The following CDYL variants were observed in gnomAD, a reference collection of about 807,000 sequenced individuals.
CDYL encodes chromodomain Y like.
Under a neutral mutation model 47.3 loss-of-function variants are expected in CDYL, and 8 were observed. The ratio of observed to expected loss-of-function variants is 0.17; its 90% confidence interval spans 0.10 to 0.31. CDYL has a LOEUF of 0.31. Among genes scored for constraint, CDYL ranks in the 10% least tolerant of loss-of-function variants. CDYL has a pLI of 1.00. For synonymous variants in CDYL, 266 were observed against 265.0 expected (o/e 1.00, Z -0.04); for missense variants, 471 against 701.4 (o/e 0.67, Z 3.71).
chr6:4,950,931 C>CAAAAA (rs11434312), intron 5 of CDYL, among the ~76,000 whole-genome samples: 2 of 124,468 alleles, frequency 1.6e-5, no homozygotes, highest in African/African-American at 3.2e-5. Flanking sequence ...GACTCCGTCT[C>CAAAAA]AAAAAAAAAA....
chr6:4,920,832 T>TCTCAGACTCCTGAC (rs1454756891), intron 2 of CDYL, among the ~76,000 whole-genome samples: 1 of 152,210 alleles, frequency 6.6e-6, no homozygotes, highest in East Asian at 1.9e-4. Flanking sequence ...GCCAGACTGG[T>TCTCAGACTCCTGAC]CTCAGACTCC....
rs116345416 is a variant in CDYL, at chr6:4,822,481, A to G, written c.24+45674A>G. On this transcript the variant is annotated intron_variant, in intron 1 of 6. Coordinates refer to ENST00000397588, the MANE Select transcript of CDYL (RefSeq NM_004824.4). The stretch of plus-strand genomic sequence containing the variant: ...TTTGGAATAACCAGCCTGAGAGTCA[A>G]TTCACATGTGTACACTTGTAAAGTA... 7.7e-3 allele frequency among the ~76,000 whole-genome samples: 1,171 copies of G among 152,296 alleles called. 17 individuals are homozygous for G. Among genetic ancestry groups the G allele is most frequent in the African/African-American group, 0.027 (1,130 of 41,548 alleles).
intron 1 of CDYL, among the ~76,000 whole-genome samples, chr6:4,890,707 C>T (rs1320475310): frequency 6.6e-6 from 1 of 152,244 alleles, no homozygotes; most frequent in Non-Finnish European, 1.5e-5. Flanking sequence ...TGACCTACCT[C>T]TAACTGCCAG....
chr6:4,735,987 TAGAC>T (rs548185692), intron 3 of CDYL, among the ~76,000 whole-genome samples: 21 of 152,270 alleles, frequency 1.4e-4, no homozygotes, highest in African/African-American at 5.1e-4. Flanking sequence ...CTGTTAACTA[TAGAC>T]AGCATGCTCT....
chr6:4,852,438 TCCTTCCTTCCAA>T (rs1465798749), intron 1 of CDYL, among the ~76,000 whole-genome samples: 1 of 136,960 alleles, frequency 7.3e-6, no homozygotes, highest in Non-Finnish European at 1.6e-5. Context: ...CCTCCTTCCT[TCCTTCCTTCCAA>T]TCTTCCTTCC....
intron 1 of CDYL, among the ~76,000 whole-genome samples, chr6:4,844,179 C>G (rs1191916989): frequency 1.3e-5 from 2 of 152,180 alleles, no homozygotes; most frequent in South Asian, 4.1e-4. Context: ...GTGATGTGAA[C>G]CATCTTCAGG....
chr6:4,741,744 G>A (rs1335301355), intron 3 of CDYL, among the ~76,000 whole-genome samples: 2 of 152,196 alleles, frequency 1.3e-5, no homozygotes, highest in Non-Finnish European at 2.9e-5. Flanking sequence ...AATGTGCCTG[G>A]GTGAAAATCA....
intron 1 of CDYL, among the ~76,000 whole-genome samples, chr6:4,891,058 G>A (rs1025805728): frequency 1.3e-5 from 2 of 152,214 alleles, no homozygotes; most frequent in Non-Finnish European, 2.9e-5. Context: ...GATCCAAAAT[G>A]TATTGGTCAT....
At position 4,843,561 on chromosome 6, in the gene CDYL, G is replaced by A. The variant is rs184412714; in HGVS notation, c.25-48152G>A. ...TGTCTTTGTTGGATTGGGTTAATTC[G>A]AAAGCCTTGTCTTTAAGCTCTGAAG... On this transcript the variant is annotated intron_variant, in intron 1 of 6. Coordinates refer to ENST00000397588, the MANE Select transcript of CDYL (RefSeq NM_004824.4). Among the ~76,000 whole-genome samples the A allele has an allele frequency of 4.2e-3, 614 of 146,928 alleles. 1 individual carries two copies. Among genetic ancestry groups the A allele is most frequent in the African/African-American group, 0.014 (565 of 39,734 alleles).
At chr6:4,729,270 A>G (rs953752703) in intron 2 of CDYL, among the ~76,000 whole-genome samples, 3 of 152,166 alleles carry the variant, frequency 2.0e-5, no homozygotes, top group Admixed American at 6.5e-5. Context: ...AAGGTCCTAA[A>G]GAGGCCCTAC....
At chr6:4,940,456 G>A (rs921381748) in intron 4 of CDYL, among the ~76,000 whole-genome samples, 6 of 152,142 alleles carry the variant, frequency 3.9e-5, no homozygotes, top group African/African-American at 1.2e-4. Flanking sequence ...AAACTTGGAG[G>A]CAAAGGACTT....
intron 2 of CDYL, among the ~76,000 whole-genome samples, chr6:4,727,270 G>A (rs1423619801): frequency 1.3e-5 from 2 of 152,122 alleles, no homozygotes; most frequent in East Asian, 3.9e-4. Flanking sequence ...AAATCAATAA[G>A]TAATGACAGT....
chr6:4,886,305 C>T (rs1005986116), intron 1 of CDYL, among the ~76,000 whole-genome samples: 6 of 152,138 alleles, frequency 3.9e-5, no homozygotes, highest in African/African-American at 9.7e-5. Flanking sequence ...CGAGGAACAA[C>T]GAGACTGTTT....
chr6:4,840,738 G>A (rs1760462779), intron 1 of CDYL, among the ~76,000 whole-genome samples: 1 of 152,168 alleles, frequency 6.6e-6, no homozygotes, highest in East Asian at 1.9e-4. Context: ...ATCCTGATAT[G>A]AAACCCACTT....
intron 1 of CDYL, among the ~76,000 whole-genome samples, chr6:4,886,780 C>T (rs1761910866): frequency 6.6e-6 from 1 of 151,886 alleles, no homozygotes; most frequent in African/African-American, 2.4e-5. Flanking sequence ...AAATCACTGC[C>T]TAATTTAAAG....
intron 1 of CDYL, among the ~76,000 whole-genome samples, chr6:4,710,123 G>A (rs555917271): frequency 5.9e-5 from 9 of 152,086 alleles, no homozygotes; most frequent in Non-Finnish European, 1.2e-4. Flanking sequence ...TCAGGAGTCC[G>A]AGGCAGGAGA....
At chr6:4,833,531 G>GA (rs1287772695) in intron 1 of CDYL, among the ~76,000 whole-genome samples, 3 of 148,654 alleles carry the variant, frequency 2.0e-5, no homozygotes, top group African/African-American at 7.6e-5. Flanking sequence ...GTGTGGTGCT[G>GA]AAAAAAATGT....
chr6:4,867,776 T>G (rs74660055), intron 1 of CDYL, among the ~76,000 whole-genome samples: 1 of 151,220 alleles, frequency 6.6e-6, no homozygotes, highest in Non-Finnish European at 1.5e-5. Flanking sequence ...TGTGGGGTTT[T>G]TTTTTTTTTT....
chr6:4,951,486 A>C (rs1240289067), intron 5 of CDYL, among the ~76,000 whole-genome samples: 1 of 152,124 alleles, frequency 6.6e-6, no homozygotes, highest in East Asian at 1.9e-4. Context: ...TCTAGAATCC[A>C]GGACAAGGTT....
Sources: gnomAD v4.1 joint callset for allele counts (sites outside exome capture counted in the v4.1 genomes callset) on GRCh38, gnomAD v4.1.1 for gene constraint, MANE v1.5 for transcripts, NCBI Gene and HGNC (gene_info 2026-07-23, HGNC 2026-07-21) for gene names.